The following EPN1 variants were observed in gnomAD, a reference collection of about 807,000 sequenced individuals.
EPN1 encodes the protein epsin 1.
In EPN1, 25 loss-of-function variants were observed where a neutral mutation model predicts 56.9. The ratio of observed to expected loss-of-function variants is 0.44; its 90% confidence interval spans 0.32 to 0.61. The LOEUF (loss-of-function observed/expected upper bound fraction) is 0.61, where lower values mean the gene tolerates loss of function less well. Among genes scored for constraint, EPN1 ranks in the 20% least tolerant of loss-of-function variants. EPN1 has a pLI of 0.05. For missense variants in EPN1, 785 were observed against 823.7 expected, an observed-to-expected ratio of 0.95 and a Z score of 0.58; for synonymous variants, 411 against 361.8, an observed-to-expected ratio of 1.14 and a Z score of -1.54.
At position 55,701,974 on chromosome 19, in the gene EPN1, T is replaced by TTTTTTC. The variant is rs1177195559; in HGVS notation, c.*6623_*6624insCTTTTT. ...CCACCCCATTCTTTTTTTTTTTTTT[T>TTTTTTC]TTTTTGAGATGGAGTCTCGCTCTGT... is the stretch of plus-strand genomic sequence containing the variant. On this transcript the variant is annotated 3_prime_UTR_variant, in exon 11 of 11. Coordinates refer to ENST00000270460, the MANE Select transcript of EPN1 (RefSeq NM_001130072.2). 1 of 142,280 alleles carries TTTTTTC rather than the reference T, an allele frequency of 7.0e-6. No individual in the cohort carries two copies. The highest frequency in any genetic ancestry group is 2.7e-5 in the African/African-American group (1 of 37,596). The allele number at this position is 142,280 out of a possible 1,614,324, so 8.8% of individuals were successfully genotyped here.
chr19:55,682,884 G>A (rs1195783204), intron 2 of EPN1, among the ~76,000 whole-genome samples: 1 of 151,992 alleles, frequency 6.6e-6, no homozygotes. Flanking sequence ...AGCCTCCCGA[G>A]TAGCTGGGAT....
chr19:55,692,951 C>T lies in EPN1; in HGVS notation c.1178C>T (p.Ala393Val), dbSNP rs1986668915. 6.2e-7 allele frequency: 1 copy of T among 1,613,314 alleles called. No individual in the cohort carries two copies. The highest frequency in any genetic ancestry group is 1.7e-5 in the Admixed American group (1 of 59,982). Reference sequence around the variant, plus strand: ...TGAGCAGAACATCCTGACCCCACAGCAGCCGGGGGATTCGACACGGAGCCC... The same window carrying T: ...TGAGCAGAACATCCTGACCCCACAGTAGCCGGGGGATTCGACACGGAGCCC... ...PAKPSTNGTTAAGGFDTEPDE... is the reference protein window; with the variant it reads ...PAKPSTNGTTVAGGFDTEPDE... The change falls in exon 9 of 11, where the codon GCA becomes GTA. Residue 393 changes from alanine to valine, a missense_variant and splice_region_variant. Coordinates refer to ENST00000270460, the MANE Select transcript of EPN1 (RefSeq NM_001130072.2).
chr19:55,678,215 C>G (rs1985569126), intron 1 of EPN1, among the ~76,000 whole-genome samples: 1 of 152,170 alleles, frequency 6.6e-6, no homozygotes. Context: ...CGCATGGAGC[C>G]CCATTTGACA....
Position 55,694,983 on chromosome 19 carries a change from G to A in EPN1, c.1522G>A (p.Gly508Arg), listed in dbSNP as rs914959593. 1.9e-6 allele frequency: 3 copies of A among 1,556,330 alleles called. No individual in the cohort carries two copies. The highest frequency in any genetic ancestry group is 2.7e-5 in the African/African-American group (2 of 73,364). Residue 508 changes from glycine to arginine, a missense_variant and splice_region_variant, in exon 10 of 11, where the codon GGA becomes AGA. This residue lies in a region of EPN1 where 650 missense variants were observed against 605.0 expected (regional missense o/e 1.07). Transcript: ENST00000270460. This position sits in a 1 kb window ranked among gnomAD's most constrained non-coding sequence, Gnocchi z 4.2. ...GGCCTCCAACCCCTTCCTGCCAGGCGGTGAGTGTGGGCCCATCACCTGCTC... is the reference window on the plus strand; with the variant it reads ...GGCCTCCAACCCCTTCCTGCCAGGCAGTGAGTGTGGGCCCATCACCTGCTC... ...AKASNPFLPGGGPATGPSVTN... is the reference protein window; with the variant it reads ...AKASNPFLPGRGPATGPSVTN...
intron 1 of EPN1, among the ~76,000 whole-genome samples, chr19:55,676,473 T>G (rs1443442895): frequency 6.6e-6 from 1 of 152,240 alleles, no homozygotes. Flanking sequence ...ATTAAGATAG[T>G]GCCTTTTCTG....
chr19:55,706,729 AAG>A lies in EPN1; in HGVS notation c.*11379_*11380del, dbSNP rs1491332987. On this transcript the variant is annotated 3_prime_UTR_variant, in exon 11 of 11. Coordinates refer to ENST00000270460, the MANE Select transcript of EPN1 (RefSeq NM_001130072.2). Reference sequence around the variant, plus strand: ...AAGAGAGATTTAAAAAACAATAGTAAAGAGAGATTAAAAAAAAAAAGTAAATG... The same window carrying A: ...AAGAGAGATTTAAAAAACAATAGTAAAGAGATTAAAAAAAAAAAGTAAATG... 2.6e-5 allele frequency: 4 copies of A among 151,918 alleles called. No individual in the cohort carries two copies. The highest frequency in any genetic ancestry group is 6.6e-5 in the Admixed American group (1 of 15,214). The allele number at this position is 151,918 out of a possible 1,614,324, so 9.4% of individuals were successfully genotyped here. A position where few individuals can be genotyped will look rare whatever the true frequency, so the allele number is the denominator to read the frequency against.
At chr19:55,683,215 C>T (rs972249598) in intron 2 of EPN1, among the ~76,000 whole-genome samples, 2 of 151,570 alleles carry the variant, frequency 1.3e-5, no homozygotes, top group African/African-American at 4.9e-5. Flanking sequence ...GCCACAATGC[C>T]TGGCTAATTT....
chr19:55,681,058 C>T (rs1177561324), intron 2 of EPN1, among the ~76,000 whole-genome samples: 1 of 152,208 alleles, frequency 6.6e-6, no homozygotes, highest in East Asian at 1.9e-4. Flanking sequence ...GGCTTGGGCC[C>T]ATCTGTTCAG....
chr19:55,689,831 T>C lies in EPN1; in HGVS notation c.679-36T>C. 1 of 1,570,968 alleles carries C rather than the reference T, an allele frequency of 6.4e-7. No individual in the cohort carries two copies. Among genetic ancestry groups the C allele is most frequent in the Non-Finnish European group, 8.6e-7 (1 of 1,157,940 alleles). On this transcript the variant is annotated intron_variant, in intron 5 of 10. Coordinates refer to ENST00000270460, the MANE Select transcript of EPN1 (RefSeq NM_001130072.2). The surrounding 1 kb of genome is among the most constrained non-coding windows in gnomAD (Gnocchi z 5.7). ...GGTGGCATCTGCCCGTGGCTCACGT[T>C]CTCATGTCTCCCTGGTCGTGCCCGT... is the stretch of plus-strand genomic sequence containing the variant.
chr19:55,708,665 T>C lies in EPN1; in HGVS notation c.*13309T>C. 3.0e-6 allele frequency: 1 copy of C among 338,804 alleles called. No homozygotes were observed. 21.0% of individuals were successfully genotyped at this position (338,804 alleles called of 1,614,324 possible). A position where few individuals can be genotyped will look rare whatever the true frequency, so the allele number is the denominator to read the frequency against. Reference sequence around the variant, plus strand: ...GCGTTTAGCACTTGTTTAACGTACTTGTGCTTCTAAATATCACAAGGCAGG... The same window carrying C: ...GCGTTTAGCACTTGTTTAACGTACTCGTGCTTCTAAATATCACAAGGCAGG... On this transcript the variant is annotated 3_prime_UTR_variant, in exon 11 of 11. Transcript: ENST00000270460.
In EPN1 at chr19:55,689,424, C is replaced by T; in HGVS notation, c.678+53C>T. 4.3e-6 allele frequency: 6 copies of T among 1,383,206 alleles called. No individual in the cohort carries two copies. In the South Asian group the frequency reaches 7.4e-5, roughly 17 times the overall value. 85.7% of individuals were successfully genotyped at this position (1,383,206 alleles called of 1,614,324 possible). On this transcript the variant is annotated intron_variant, in intron 5 of 10. Transcript: ENST00000270460. The surrounding 1 kb of genome is among the most constrained non-coding windows in gnomAD (Gnocchi z 5.7). ...CTGCCAGGGGCTCCCCTCAGACCAG[C>T]CCCGTCGCCCCTTCCTAAGTCACCC...
In EPN1 at chr19:55,695,365, G is replaced by A. The variant is rs906359990; in HGVS notation, c.*9G>A. On this transcript the variant is annotated 3_prime_UTR_variant, in exon 11 of 11. Transcript: ENST00000270460. The surrounding 1 kb of genome is among the most constrained non-coding windows in gnomAD (Gnocchi z 4.4). ...ATCCCTTCCTCCTATAATCCAGGGCGGAAGGGGGCCTGGCTCCATCCGGCT... is the reference window on the plus strand; with the variant it reads ...ATCCCTTCCTCCTATAATCCAGGGCAGAAGGGGGCCTGGCTCCATCCGGCT... 1.5e-5 allele frequency: 21 copies of A among 1,434,938 alleles called. No individual in the cohort carries two copies. The highest frequency in any genetic ancestry group is 1.8e-5 in the Non-Finnish European group (19 of 1,057,682). 88.9% of individuals were successfully genotyped at this position (1,434,938 alleles called of 1,614,324 possible).
chr19:55,679,792 G>A (rs1314514474), intron 2 of EPN1, among the ~76,000 whole-genome samples: 2 of 152,236 alleles, frequency 1.3e-5, no homozygotes, highest in Non-Finnish European at 2.9e-5. Flanking sequence ...GACACACCAG[G>A]ATTGGGTTGA....
At chr19:55,684,800 T>C (rs1230520319) in intron 2 of EPN1, among the ~76,000 whole-genome samples, 1 of 152,152 alleles carries the variant, frequency 6.6e-6, no homozygotes, top group East Asian at 1.9e-4. Context: ...TACTTTAGAT[T>C]TTAGTTGTAA....
In EPN1 at chr19:55,678,525, A is replaced by G. The variant is rs1985588814; in HGVS notation, c.-101-2A>G. 1.9e-6 allele frequency: 3 copies of G among 1,540,326 alleles called. No homozygotes were observed. The East Asian group carries it at 7.3e-5, about 38-fold the overall frequency. ...TTTCCAGAGGTCCTCTTCCCCTCGCAGATGCGGTGACCTGCCAGCACCTGC... is the reference window on the plus strand; with the variant it reads ...TTTCCAGAGGTCCTCTTCCCCTCGCGGATGCGGTGACCTGCCAGCACCTGC... On this transcript the variant is annotated splice_acceptor_variant, in intron 1 of 10. Coordinates refer to ENST00000270460, the MANE Select transcript of EPN1 (RefSeq NM_001130072.2). LOFTEE classifies it low-confidence loss of function (5UTR_SPLICE).
rs1436119960 is a variant in EPN1 at position 55,697,612 on chromosome 19, TTAAC to T, written c.*2259_*2262del. On this transcript the variant is annotated 3_prime_UTR_variant, in exon 11 of 11. Transcript: ENST00000270460. ...AGAGGCTTGCACATAAATTTGGGGC[TTAAC>T]TACAGCATCTTCGGCATCTTCTTTT... 6.6e-6 allele frequency: 1 copy of T among 152,158 alleles called. No homozygotes were observed. The highest frequency in any genetic ancestry group is 1.9e-4 in the East Asian group (1 of 5,194). 9.4% of individuals were successfully genotyped at this position (152,158 alleles called of 1,614,324 possible). A position where few individuals can be genotyped will look rare whatever the true frequency, so the allele number is the denominator to read the frequency against.
At chr19:55,683,203 A>C (rs140379875) in intron 2 of EPN1, among the ~76,000 whole-genome samples, 10 of 143,030 alleles carry the variant, frequency 7.0e-5, no homozygotes, top group East Asian at 4.3e-4. Context: ...TTACAGGCGC[A>C]TGCCACAATG....
intron 2 of EPN1, among the ~76,000 whole-genome samples, chr19:55,680,481 C>T (rs1568565445): frequency 1.3e-5 from 2 of 152,322 alleles, no homozygotes; most frequent in South Asian, 2.1e-4. Flanking sequence ...CCCGCTCCAC[C>T]CTGAACCACT....
In EPN1 at chr19:55,702,460, CCA is replaced by C. The variant is rs1286824865; in HGVS notation, c.*7106_*7107del. On this transcript the variant is annotated 3_prime_UTR_variant, in exon 11 of 11. Transcript: ENST00000270460. ...AAAGGGAAAGGAATGTGCTTTAGGC[CCA>C]CTGTTTTCACTGGGGCCCATCTATG... The C allele has an allele frequency of 2.0e-5, 3 of 152,198 alleles. No homozygotes were observed. The highest frequency in any genetic ancestry group is 7.2e-5 in the African/African-American group (3 of 41,422). 9.4% of individuals were successfully genotyped at this position (152,198 alleles called of 1,614,324 possible). A position where few individuals can be genotyped will look rare whatever the true frequency, so the allele number is the denominator to read the frequency against.
Sources: gnomAD v4.1 joint callset for allele counts (sites outside exome capture counted in the v4.1 genomes callset) on GRCh38, gnomAD v4.1.1 for gene constraint, gnomAD v4.1.1 regional missense constraint, Gnocchi (gnomAD v3.1) non-coding constraint, MANE v1.5 for transcripts, NCBI Gene and HGNC (gene_info 2026-07-23, HGNC 2026-07-21) for gene names.